FHIT: variants seen among roughly 807,000 people sequenced by gnomAD.
FHIT encodes fragile histidine triad diadenosine triphosphatase, also known as bis(5'-adenosyl)-triphosphatase.
In FHIT, 19 loss-of-function variants were observed where a neutral mutation model predicts 17.9. The observed-to-expected ratio is 1.06, with a 90% CI of 0.74 to 1.56. The LOEUF (loss-of-function observed/expected upper bound fraction) is 1.56, where lower values mean the gene tolerates loss of function less well. Among genes scored for constraint, FHIT ranks in the 40% most tolerant of loss-of-function variants. The probability of loss-of-function intolerance (pLI) is 0.00; values close to 1 mark genes in which losing one functional copy is unlikely to be tolerated. For synonymous variants in FHIT, 81 were observed against 69.7 expected (o/e 1.16, Z -0.81); for missense variants, 248 against 189.2 (o/e 1.31, Z -1.82).
intron 7 of FHIT, among the ~76,000 whole-genome samples, chr3:59,965,290 GACTCC>G (rs1707874181): frequency 6.6e-6 from 1 of 152,084 alleles, no homozygotes; most frequent in East Asian, 1.9e-4. Context: ...GGGAAATACA[GACTCC>G]ACTCAGGAGA....
intron 5 of FHIT, among the ~76,000 whole-genome samples, chr3:60,158,989 G>T (rs1282509920): frequency 3.3e-5 from 5 of 152,046 alleles, no homozygotes. Context: ...GAGGTCTCTA[G>T]CTAGAGGGCA....
intron 5 of FHIT, among the ~76,000 whole-genome samples, chr3:60,121,976 G>A (rs1050463232): frequency 2.0e-5 from 3 of 152,042 alleles, no homozygotes; most frequent in African/African-American, 4.8e-5. Flanking sequence ...AATTTATCAG[G>A]CCTGCTAAGT....
chr3:60,257,517 T>C (rs1375916645), intron 5 of FHIT, among the ~76,000 whole-genome samples: 1 of 152,136 alleles, frequency 6.6e-6, no homozygotes, highest in African/African-American at 2.4e-5. Context: ...TCATAGAGTG[T>C]TCAACATAAT....
chr3:60,617,191 A>C (rs2038977370), intron 4 of FHIT: 1 of 193,976 alleles, frequency 5.2e-6, no homozygotes, highest in Admixed American at 4.7e-5. Flanking sequence ...TATAACACAC[A>C]CTCTTGAACG....
intron 5 of FHIT, among the ~76,000 whole-genome samples, chr3:60,321,321 C>T (rs748624328): frequency 6.6e-4 from 100 of 152,058 alleles, no homozygotes; most frequent in Admixed American, 1.4e-3. Context: ...CTCTAAAATA[C>T]AAAAAATAGC....
At chr3:61,213,005 G>A (rs1447225599) in intron 1 of FHIT, among the ~76,000 whole-genome samples, 1 of 152,124 alleles carries the variant, frequency 6.6e-6, no homozygotes, top group African/African-American at 2.4e-5. Flanking sequence ...CCTGAAGGAA[G>A]CACTAAACAT....
chr3:59,955,089 A>G (rs1575760504), intron 7 of FHIT, among the ~76,000 whole-genome samples: 1 of 152,336 alleles, frequency 6.6e-6, no homozygotes, highest in East Asian at 1.9e-4. Context: ...AGTCTTCACA[A>G]CTGTAATATA....
chr3:60,965,138 T>G (rs1247652123), intron 3 of FHIT, among the ~76,000 whole-genome samples: 1 of 152,012 alleles, frequency 6.6e-6, no homozygotes, highest in Non-Finnish European at 1.5e-5. Context: ...TTCTTTTTAC[T>G]CTTTTTTCTC....
At chr3:60,545,711 C>T (rs1372254302) in intron 4 of FHIT, among the ~76,000 whole-genome samples, 1 of 152,054 alleles carries the variant, frequency 6.6e-6, no homozygotes. Context: ...GTTAAGAGAA[C>T]CTCTAAGCTG....
At chr3:60,333,159 C>T (rs189649918) in intron 5 of FHIT, among the ~76,000 whole-genome samples, 10 of 152,158 alleles carry the variant, frequency 6.6e-5, no homozygotes, top group African/African-American at 1.9e-4. Context: ...GAAATGAAAG[C>T]GCATATTGCT....
chr3:60,271,798 C>T (rs1296017534), intron 5 of FHIT, among the ~76,000 whole-genome samples: 1 of 152,134 alleles, frequency 6.6e-6, no homozygotes, highest in African/African-American at 2.4e-5. Flanking sequence ...TAATGCCTGG[C>T]ACAGAGCTAA....
At chr3:60,280,918 GCTGA>G (rs1033657889) in intron 5 of FHIT, among the ~76,000 whole-genome samples, 10 of 67,824 alleles carry the variant, frequency 1.5e-4, no homozygotes, top group Middle Eastern at 0.017. Flanking sequence ...TCATGATATG[GCTGA>G]CTATGTAGAA....
chr3:60,337,972 C>T (rs942361092), intron 5 of FHIT, among the ~76,000 whole-genome samples: 4 of 152,088 alleles, frequency 2.6e-5, no homozygotes, highest in Admixed American at 2.0e-4. Context: ...TTTACCAGTT[C>T]GAAAAATCGA....
intron 5 of FHIT, among the ~76,000 whole-genome samples, chr3:60,077,729 C>CACACATATATAT (rs1559611496): frequency 3.6e-4 from 24 of 67,246 alleles, no homozygotes; most frequent in African/African-American, 1.2e-3. Context: ...CACACACACA[C>CACACATATATAT]ATATATAGAG....
chr3:61,201,760 G>A lies in FHIT; in HGVS notation c.-212-1095C>T, dbSNP rs148922642. 1.8e-4 allele frequency among the ~76,000 whole-genome samples: 28 copies of A among 152,120 alleles called. 1 individual carries two copies. Among genetic ancestry groups the A allele is most frequent in the South Asian group, 1.0e-3 (5 of 4,816 alleles). ...TTTCTCCTTCCCCCTGAGCTACACCGTTTACCAATGAGTTTAGAACAAGCA... is the reference window on the plus strand; with the variant it reads ...TTTCTCCTTCCCCCTGAGCTACACCATTTACCAATGAGTTTAGAACAAGCA... On this transcript the variant is annotated intron_variant, in intron 1 of 9. Coordinates refer to ENST00000492590, the MANE Select transcript of FHIT (RefSeq NM_002012.4).
chr3:61,045,031 C>T (rs1297956292), intron 2 of FHIT, among the ~76,000 whole-genome samples: 1 of 152,164 alleles, frequency 6.6e-6, no homozygotes, highest in Admixed American at 6.5e-5. Context: ...CAAAAACATG[C>T]CACACTATAA....
In FHIT at chr3:60,839,657, C is replaced by T. The variant is rs377521733; in HGVS notation, c.-110-17646G>A. ...TCGATGCCCCAGAAATGCCCAGTCC[C>T]CAAAGACCTCTAGGGACTGCAGCTC... On this transcript the variant is annotated intron_variant, in intron 3 of 9. Coordinates refer to ENST00000492590, the MANE Select transcript of FHIT (RefSeq NM_002012.4). Among the ~76,000 whole-genome samples, 44 of 152,244 alleles carry T rather than the reference C, an allele frequency of 2.9e-4. 1 individual carries two copies. In the South Asian group the frequency reaches 9.1e-3, roughly 32 times the overall value.
chr3:59,801,528 TAG>T (rs781231395), intron 8 of FHIT, among the ~76,000 whole-genome samples: 2 of 152,256 alleles, frequency 1.3e-5, no homozygotes, highest in South Asian at 4.2e-4. Flanking sequence ...AGTGAAAATA[TAG>T]ACTTTAAAAA....
chr3:61,205,268 G>A (rs2106710900), intron 1 of FHIT, among the ~76,000 whole-genome samples: 1 of 152,126 alleles, frequency 6.6e-6, no homozygotes, highest in South Asian at 2.1e-4. Context: ...TGTGAATAGT[G>A]CCACAATAAA....
Sources: gnomAD v4.1 joint callset for allele counts (sites outside exome capture counted in the v4.1 genomes callset) on GRCh38, gnomAD v4.1.1 for gene constraint, MANE v1.5 for transcripts, NCBI Gene and HGNC (gene_info 2026-07-23, HGNC 2026-07-21) for gene names.